ABCA10: variants seen among roughly 807,000 people sequenced by gnomAD.
ABCA10 encodes the protein ATP binding cassette subfamily A member 10, also known as ATP-binding cassette sub-family A member 10.
Under a neutral mutation model 187.5 loss-of-function variants are expected in ABCA10, and 169 were observed. The ratio of observed to expected loss-of-function variants is 0.90; its 90% CI spans 0.80 to 1.02. The LOEUF is 1.02. Ranked by LOEUF, ABCA10 falls within the 50% of genes least tolerant of loss-of-function variation. The pLI is 0.00. For missense variants in ABCA10, 1,727 were observed against 1,812.4 expected (o/e 0.95, Z 0.86); for synonymous variants, 574 against 601.8 (o/e 0.95, Z 0.68).
Position 69,185,380 on chromosome 17 carries a change from T to TAGAC in ABCA10, c.2497+93_2497+96dup, listed in dbSNP as rs565671823. 1.8e-4 allele frequency: 228 copies of TAGAC among 1,270,294 alleles called. 1 individual carries two copies. In the African/African-American group the frequency reaches 3.1e-3, roughly 17 times the overall value. 78.7% of individuals were successfully genotyped at this position (1,270,294 alleles called of 1,614,324 possible). ...TCATTTGAAAATGGAGCAAGCTGGA[T>TAGAC]AGACACCATTTTTGTTTTCAATTGT... On this transcript the variant is annotated intron_variant, in intron 20 of 38. Transcript: ENST00000690296.
chr17:69,181,056 C>T (rs2074376743), intron 22 of ABCA10, among the ~76,000 whole-genome samples: 2 of 151,924 alleles, frequency 1.3e-5, no homozygotes, highest in Admixed American at 6.6e-5. Flanking sequence ...TGACAAAGAA[C>T]AATAGAACTG....
intron 25 of ABCA10, among the ~76,000 whole-genome samples, chr17:69,170,980 A>C (rs553437216): frequency 1.3e-5 from 2 of 152,354 alleles, no homozygotes; most frequent in South Asian, 4.1e-4. Context: ...TCCCATATTG[A>C]GGCATGATAC....
chr17:69,155,261 C>A, intron 29 of ABCA10, 125 bp from the exon 30 acceptor site: 1 of 666,194 alleles, frequency 1.5e-6, no homozygotes, highest in Non-Finnish European at 2.5e-6. Context: ...AGAGCTTTAG[C>A]CTCTTTTTTC....
chr17:69,241,388 A>G (rs2074902628), intron 1 of ABCA10, among the ~76,000 whole-genome samples: 1 of 152,118 alleles, frequency 6.6e-6, no homozygotes, highest in African/African-American at 2.4e-5. Flanking sequence ...CTGTCCCCTC[A>G]TATCTGATTA....
intron 1 of ABCA10, among the ~76,000 whole-genome samples, chr17:69,242,562 T>G (rs2074909862): frequency 6.6e-6 from 1 of 152,148 alleles, no homozygotes; most frequent in African/African-American, 2.4e-5. Flanking sequence ...CCTCCTGGGT[T>G]CAAGCAATCC....
At chr17:69,163,360 T>C (rs2074232538) in intron 27 of ABCA10, among the ~76,000 whole-genome samples, 1 of 152,180 alleles carries the variant, frequency 6.6e-6, no homozygotes, top group South Asian at 2.1e-4. Context: ...TTCCAGGGTT[T>C]GTTTGCTGTG....
At chr17:69,196,982 T>C in intron 11 of ABCA10, 82 bp downstream of exon 11, 1 of 1,027,902 alleles carries the variant, frequency 9.7e-7, no homozygotes, top group Non-Finnish European at 1.4e-6. Context: ...CAGCCTCCGC[T>C]TGGCATCAGA....
chr17:69,185,418 T>C (rs2074413457), intron 20 of ABCA10, 59 bp downstream of exon 20: 1 of 1,523,238 alleles, frequency 6.6e-7, no homozygotes, highest in Non-Finnish European at 8.9e-7. Flanking sequence ...CTCAGGTATG[T>C]GCTTTCTAAA....
intron 25 of ABCA10, among the ~76,000 whole-genome samples, chr17:69,173,180 A>C (rs1331872987): frequency 6.6e-6 from 1 of 152,198 alleles, no homozygotes; most frequent in Admixed American, 6.5e-5. Context: ...TTAAGAAGAC[A>C]TTACCCTTGG....
intron 29 of ABCA10, 129 bp downstream of exon 29, chr17:69,155,676 G>T: frequency 8.3e-7 from 1 of 1,210,348 alleles, no homozygotes. Context: ...AGAATAATTT[G>T]AATATAAGCT....
chr17:69,193,764 G>T, intron 13 of ABCA10, 50 bp downstream of exon 13: 1 of 1,587,058 alleles, frequency 6.3e-7, no homozygotes, highest in Non-Finnish European at 8.5e-7. Context: ...AAAATATATA[G>T]TCAAAAGTAA....
Position 69,148,159 on chromosome 17 carries a change from G to A in ABCA10, c.*668C>T, listed in dbSNP as rs1454468133. On this transcript the variant is annotated 3_prime_UTR_variant, in exon 39 of 39. Coordinates refer to ENST00000690296, the MANE Select transcript of ABCA10 (RefSeq NM_001377321.1). ...GACATGGGAAATGTTCATGAACTGTGAGGTGAAAAGATACAGAAAATGACT... is the reference window on the plus strand; with the variant it reads ...GACATGGGAAATGTTCATGAACTGTAAGGTGAAAAGATACAGAAAATGACT... 1 of 152,132 alleles carries A rather than the reference G, an allele frequency of 6.6e-6. No homozygotes were observed. The highest frequency in any genetic ancestry group is 2.4e-5 in the African/African-American group (1 of 41,416). The allele number at this position is 152,132 out of a possible 1,614,324, so 9.4% of individuals were successfully genotyped here.
chr17:69,241,149 GA>G (rs1258432233), intron 1 of ABCA10, among the ~76,000 whole-genome samples: 1 of 152,152 alleles, frequency 6.6e-6, no homozygotes, highest in African/African-American at 2.4e-5. Flanking sequence ...ACTAGTAGAA[GA>G]TACGTTCAGA....
chr17:69,230,721 C>G (rs1312540290), upstream of ABCA10, among the ~76,000 whole-genome samples: 1 of 152,106 alleles, frequency 6.6e-6, no homozygotes, highest in Non-Finnish European at 1.5e-5. Flanking sequence ...TTTTCCTCCA[C>G]ATACCTCTAT....
chr17:69,206,852 G>A (rs552323334), intron 9 of ABCA10, among the ~76,000 whole-genome samples: 3 of 152,122 alleles, frequency 2.0e-5, no homozygotes, highest in Non-Finnish European at 4.4e-5. Context: ...TCATGACACT[G>A]GTTTGGGCAA....
chr17:69,201,791 T>C, intron 9 of ABCA10, 123 bp from the exon 10 acceptor site: 2 of 898,648 alleles, frequency 2.2e-6, no homozygotes, highest in Non-Finnish European at 3.1e-6. Context: ...TTTATATTTA[T>C]AATTTTTTTT....
intron 17 of ABCA10, 52 bp from the exon 18 acceptor site, chr17:69,190,529 A>G: frequency 7.0e-7 from 1 of 1,435,092 alleles, no homozygotes; most frequent in Non-Finnish European, 9.3e-7. Context: ...CAATGAGTAT[A>G]TTAAAATACT....
chr17:69,197,651 T>C (rs930314454), intron 10 of ABCA10, among the ~76,000 whole-genome samples: 5 of 152,236 alleles, frequency 3.3e-5, no homozygotes, highest in African/African-American at 1.2e-4. Flanking sequence ...CACTTTTTAG[T>C]CCTTATTTGA....
chr17:69,180,002 G>C (rs995814700), intron 22 of ABCA10, among the ~76,000 whole-genome samples: 1 of 152,186 alleles, frequency 6.6e-6, no homozygotes, highest in Non-Finnish European at 1.5e-5. Flanking sequence ...GTAATGAAGA[G>C]TTTGTCCGAC....
Sources: gnomAD v4.1 joint callset for allele counts (sites outside exome capture counted in the v4.1 genomes callset) on GRCh38, gnomAD v4.1.1 for gene constraint, MANE v1.5 for transcripts, NCBI Gene and HGNC (gene_info 2026-07-23, HGNC 2026-07-21) for gene names.